Variants in CFAP299 observed in about 807,000 individuals in gnomAD.
The protein encoded by CFAP299 is cilia- and flagella-associated protein 299.
CFAP299 carries 21 observed loss-of-function variants against 27.0 expected under a neutral mutation model. The ratio of observed to expected loss-of-function variants is 0.78; its 90% CI spans 0.55 to 1.12. The LOEUF is 1.12. CFAP299 is among the 50% of genes most tolerant of loss of function. The pLI is 0.00. For synonymous variants in CFAP299, 104 were observed against 98.1 expected (o/e 1.06, Z -0.36); for missense variants, 310 against 276.6 (o/e 1.12, Z -0.86).
chr4:80,390,865 G>GTATA (rs1725409876), intron 2 of CFAP299, among the ~76,000 whole-genome samples: 5 of 76,438 alleles, frequency 6.5e-5, no homozygotes, highest in African/African-American at 2.9e-4. Flanking sequence ...ATATGTATAT[G>GTATA]CGCACATATA....
chr4:80,700,890 A>C (rs917267528), intron 3 of CFAP299, among the ~76,000 whole-genome samples: 1 of 152,066 alleles, frequency 6.6e-6, no homozygotes, highest in Non-Finnish European at 1.5e-5. Flanking sequence ...AAACTAATAA[A>C]TACTAATGAT....
intron 2 of CFAP299, among the ~76,000 whole-genome samples, chr4:80,511,753 G>C (rs1160688869): frequency 6.6e-6 from 1 of 152,056 alleles, no homozygotes; most frequent in Non-Finnish European, 1.5e-5. Flanking sequence ...ATGACCTAAA[G>C]GTTGACTAGA....
chr4:80,706,728 C>T (rs1019899424), intron 3 of CFAP299, among the ~76,000 whole-genome samples: 6 of 151,758 alleles, frequency 4.0e-5, no homozygotes, highest in Admixed American at 3.3e-4. Flanking sequence ...TGTCCTGGCA[C>T]CAATTTGTTA....
intron 2 of CFAP299, among the ~76,000 whole-genome samples, chr4:80,571,958 A>G (rs925812972): frequency 6.6e-6 from 1 of 152,206 alleles, no homozygotes; most frequent in Non-Finnish European, 1.5e-5. Context: ...CAAATACACA[A>G]TGATACATTG....
At chr4:80,453,496 T>C (rs1218247997) in intron 2 of CFAP299, among the ~76,000 whole-genome samples, 1 of 152,150 alleles carries the variant, frequency 6.6e-6, no homozygotes, top group African/African-American at 2.4e-5. Flanking sequence ...TCTGAAATGC[T>C]TTAAATAATT....
chr4:80,556,109 CCTATT>C (rs1734766449), intron 2 of CFAP299, among the ~76,000 whole-genome samples: 1 of 152,036 alleles, frequency 6.6e-6, no homozygotes, highest in Non-Finnish European at 1.5e-5. Context: ...GCAATCAACT[CCTATT>C]CTACTTCATA....
chr4:80,898,866 G>A (rs1734744490), intron 4 of CFAP299, among the ~76,000 whole-genome samples: 1 of 152,126 alleles, frequency 6.6e-6, no homozygotes. Context: ...AGAGTAAGCA[G>A]GCAGGAGCTA....
intron 3 of CFAP299, among the ~76,000 whole-genome samples, chr4:80,690,792 G>A (rs374971162): frequency 7.7e-5 from 11 of 143,766 alleles, no homozygotes; most frequent in South Asian, 2.3e-4. Flanking sequence ...TTGATAGACC[G>A]CTAGCAAGAC....
At chr4:80,739,252 A>G in intron 3 of CFAP299, among the ~76,000 whole-genome samples, 1 of 152,132 alleles carries the variant, frequency 6.6e-6, no homozygotes, top group Non-Finnish European at 1.5e-5. Context: ...TACTATTACC[A>G]GTGCATTTTG....
intron 3 of CFAP299, among the ~76,000 whole-genome samples, chr4:80,861,382 C>T (rs1732345730): frequency 6.6e-6 from 1 of 152,322 alleles, no homozygotes; most frequent in South Asian, 2.1e-4. Flanking sequence ...CAATGCCTCA[C>T]CCTGCTTTGG....
intron 4 of CFAP299, among the ~76,000 whole-genome samples, chr4:80,908,138 C>T (rs549960064): frequency 1.3e-5 from 2 of 152,310 alleles, no homozygotes; most frequent in East Asian, 3.9e-4. Flanking sequence ...AATTTTTCAA[C>T]TCTCATAAAT....
chr4:80,410,073 G>C (rs1258357597), intron 2 of CFAP299, among the ~76,000 whole-genome samples: 3 of 152,208 alleles, frequency 2.0e-5, no homozygotes, highest in Non-Finnish European at 4.4e-5. Context: ...AAGGGAAGAC[G>C]AAGGGATGAT....
At chr4:80,758,212 T>C (rs552195009) in intron 3 of CFAP299, among the ~76,000 whole-genome samples, 1 of 152,276 alleles carries the variant, frequency 6.6e-6, no homozygotes, top group South Asian at 2.1e-4. Context: ...TGGGGAATTT[T>C]ATTGCTGAGG....
intron 5 of CFAP299, 91 bp from the exon 6 acceptor site, chr4:80,963,426 T>C: frequency 1.4e-6 from 1 of 718,998 alleles, no homozygotes; most frequent in South Asian, 1.8e-5. Flanking sequence ...TTTTTTTTTC[T>C]GCAATATAAA....
At chr4:80,692,732 A>C (rs901994550) in intron 3 of CFAP299, among the ~76,000 whole-genome samples, 2 of 152,210 alleles carry the variant, frequency 1.3e-5, no homozygotes, top group African/African-American at 4.8e-5. Context: ...TGCACAGCAA[A>C]AGAAACTACC....
intron 3 of CFAP299, among the ~76,000 whole-genome samples, chr4:80,778,835 C>A (rs1222793220): frequency 6.6e-6 from 1 of 151,980 alleles, no homozygotes; most frequent in African/African-American, 2.4e-5. Context: ...TGACACAATC[C>A]ACCAATCTCA....
intron 1 of CFAP299, among the ~76,000 whole-genome samples, chr4:80,347,796 A>G (rs1360533465): frequency 4.6e-5 from 7 of 152,184 alleles, no homozygotes; most frequent in Non-Finnish European, 8.8e-5. Flanking sequence ...AAAAACATAT[A>G]GAACCAAAAA....
chr4:80,372,437 A>C (rs140409651), intron 2 of CFAP299, among the ~76,000 whole-genome samples: 1 of 152,232 alleles, frequency 6.6e-6, no homozygotes, highest in Non-Finnish European at 1.5e-5. Context: ...CAGGCGTTCA[A>C]TGAGTCCCCA....
intron 4 of CFAP299, among the ~76,000 whole-genome samples, chr4:80,889,701 T>C (rs1168282139): frequency 6.6e-6 from 1 of 152,096 alleles, no homozygotes; most frequent in Non-Finnish European, 1.5e-5. Context: ...ATATCTCTGA[T>C]GAATATAAAT....
Sources: gnomAD v4.1 joint callset for allele counts (sites outside exome capture counted in the v4.1 genomes callset) on GRCh38, gnomAD v4.1.1 for gene constraint, MANE v1.5 for transcripts, NCBI Gene and HGNC (gene_info 2026-07-23, HGNC 2026-07-21) for gene names.